RPS6KA3: variants seen among roughly 807,000 people sequenced by gnomAD.
The protein encoded by RPS6KA3 is ribosomal protein S6 kinase alpha-3.
RPS6KA3 carries 4 observed loss-of-function variants against 67.2 expected under a neutral mutation model. The observed-to-expected ratio is 0.06, with a 90% CI of 0.03 to 0.14. The LOEUF (loss-of-function observed/expected upper bound fraction) is 0.14, where lower values mean the gene tolerates loss of function less well. Ranked by LOEUF, RPS6KA3 falls within the 10% of genes least tolerant of loss-of-function variation. The pLI, the probability that RPS6KA3 is intolerant of heterozygous loss-of-function variation, is 1.00. For synonymous variants in RPS6KA3, 182 were observed against 183.7 expected (o/e 0.99, Z 0.07); for missense variants, 204 against 559.0 (o/e 0.36, Z 6.40).
In RPS6KA3 at chrX:20,266,723, AGCGGCG is replaced by A. The variant is rs1176398352; in HGVS notation, c.-97_-92del. The A allele has an allele frequency of 7.6e-6, 4 of 525,396 alleles. No homozygotes were observed. The highest frequency in any genetic ancestry group is 8.8e-6 in the Non-Finnish European group (4 of 452,112). The allele number at this position is 525,396 out of a possible 1,213,427, so 43.3% of individuals were successfully genotyped here. ...TCCGTCGCCGCCCGAGCCCCACGGC[AGCGGCG>A]GCGGCGGCGGCGGCGGCGGCAGCGG... On this transcript the variant is annotated 5_prime_UTR_variant, in exon 1 of 22. Coordinates refer to ENST00000379565, the MANE Select transcript of RPS6KA3 (RefSeq NM_004586.3).
intron 1 of RPS6KA3, among the ~76,000 whole-genome samples, chrX:20,261,553 T>C (rs1398341797): frequency 1.5e-4 from 17 of 112,448 alleles, no homozygotes; most frequent in African/African-American, 5.5e-4. Context: ...GGCTTTTAAA[T>C]TGTACAACTT....
chrX:20,231,459 G>A (rs1569255801), intron 2 of RPS6KA3, among the ~76,000 whole-genome samples: 1 of 111,241 alleles, frequency 9.0e-6, no homozygotes, highest in Non-Finnish European at 1.9e-5. Flanking sequence ...TAAATGTGTA[G>A]GACTACATTT....
At chrX:20,250,342 C>T (rs937535707) in intron 1 of RPS6KA3, among the ~76,000 whole-genome samples, 1 of 111,203 alleles carries the variant, frequency 9.0e-6, no homozygotes, top group African/African-American at 3.3e-5. Context: ...GTGCATGCCA[C>T]TATTCCTTGC....
chrX:20,257,559 T>C (rs1447370148), intron 1 of RPS6KA3, among the ~76,000 whole-genome samples: 10 of 112,063 alleles, frequency 8.9e-5, no homozygotes, highest in Non-Finnish European at 1.9e-4. Flanking sequence ...CTTACATAAA[T>C]AGGGTAGGGC....
intron 1 of RPS6KA3, among the ~76,000 whole-genome samples, chrX:20,260,258 T>A (rs995035207): frequency 8.9e-6 from 1 of 111,756 alleles, no homozygotes; most frequent in African/African-American, 3.2e-5. Context: ...GAGGTAGACA[T>A]ACAGAATACA....
upstream of RPS6KA3, chrX:20,266,952 C>G (rs778987571): frequency 4.1e-3 from 2,984 of 729,473 alleles, 6 homozygotes; most frequent in South Asian, 0.012. Context: ...TCCGCCCCCC[C>G]CGCCGGTTCC....
At chrX:20,213,081 C>A (rs1319226673) in intron 2 of RPS6KA3, among the ~76,000 whole-genome samples, 1 of 111,964 alleles carries the variant, frequency 8.9e-6, no homozygotes. Context: ...CATTCGAGGT[C>A]CTCTACAATA....
intron 1 of RPS6KA3, among the ~76,000 whole-genome samples, chrX:20,258,163 A>G: frequency 8.9e-6 from 1 of 112,030 alleles, no homozygotes; most frequent in Middle Eastern, 4.6e-3. Flanking sequence ...TCAACATGGT[A>G]GCCAATAGCC....
At chrX:20,158,365 CA>C (rs1209085517) in intron 20 of RPS6KA3, among the ~76,000 whole-genome samples, 57 of 28,714 alleles carry the variant, frequency 2.0e-3, no homozygotes, top group South Asian at 5.2e-3. Flanking sequence ...GACTCTATCT[CA>C]AAAAAAAAAA....
At chrX:20,204,497 G>A (rs1029344863) in intron 3 of RPS6KA3, among the ~76,000 whole-genome samples, 1 of 112,266 alleles carries the variant, frequency 8.9e-6, no homozygotes, top group Non-Finnish European at 1.9e-5. Flanking sequence ...GTTATACGGC[G>A]GTTCCTTCTT....
chrX:20,156,304 T>TTTTTTTTTTTTTTTTTTTTTTGA, intron 20 of RPS6KA3, 55 bp from the exon 21 acceptor site: 1 of 1,095,154 alleles, frequency 9.1e-7, no homozygotes, highest in African/African-American at 1.8e-5. Context: ...TCTTTTTCTA[T>TTTTTTTTTTTTTTTTTTTTTTGA]GGCTCTTGAT....
intron 1 of RPS6KA3, among the ~76,000 whole-genome samples, chrX:20,249,906 G>A (rs1431487918): frequency 8.9e-6 from 1 of 112,059 alleles, no homozygotes; most frequent in Non-Finnish European, 1.9e-5. Flanking sequence ...TCAAATCCAT[G>A]ATCCATTTTA....
chrX:20,211,159 G>C (rs1039375035), intron 2 of RPS6KA3, among the ~76,000 whole-genome samples: 1 of 111,246 alleles, frequency 9.0e-6, no homozygotes, highest in South Asian at 3.7e-4. Context: ...ATCTGACCAC[G>C]TATTTAATGT....
intron 10 of RPS6KA3, among the ~76,000 whole-genome samples, chrX:20,178,374 G>A (rs1352427253): frequency 9.0e-6 from 1 of 110,699 alleles, no homozygotes; most frequent in Non-Finnish European, 1.9e-5. Context: ...AAAAATTCAT[G>A]ACCCAATGAG....
chrX:20,165,200 T>C, intron 17 of RPS6KA3, 140 bp from the exon 18 acceptor site: 1 of 512,458 alleles, frequency 2.0e-6, no homozygotes, highest in East Asian at 3.6e-5. Context: ...TATAAAATAC[T>C]GATAATGTAA....
intron 1 of RPS6KA3, among the ~76,000 whole-genome samples, chrX:20,244,988 A>T (rs1480466155): frequency 1.8e-5 from 2 of 112,406 alleles, no homozygotes; most frequent in African/African-American, 6.5e-5. Context: ...AAAATAGGGA[A>T]TATAAGGAAA....
intron 4 of RPS6KA3, chrX:20,203,260 C>T (rs1185519713): frequency 2.2e-5 from 2 of 89,449 alleles, no homozygotes; most frequent in Admixed American, 2.3e-4. Flanking sequence ...TTCTTCTTAA[C>T]TACTTTTTTT....
At chrX:20,246,473 T>C (rs1984029903) in intron 1 of RPS6KA3, among the ~76,000 whole-genome samples, 1 of 111,256 alleles carries the variant, frequency 9.0e-6, no homozygotes, top group South Asian at 3.8e-4. Flanking sequence ...AAAATCTGAG[T>C]TCTGGATAAC....
chrX:20,249,318 C>T (rs767383581), intron 1 of RPS6KA3, among the ~76,000 whole-genome samples: 13 of 111,847 alleles, frequency 1.2e-4, no homozygotes, highest in Non-Finnish European at 1.7e-4. Flanking sequence ...CATTTCTCTG[C>T]GGTGAATGTC....
Sources: allele counts gnomAD v4.1 joint callset (sites outside exome capture counted in the v4.1 genomes callset), GRCh38; gene constraint gnomAD v4.1.1; transcripts MANE v1.5; gene names NCBI Gene and HGNC (gene_info 2026-07-23, HGNC 2026-07-21).